ATXN1: variants seen among roughly 807,000 people sequenced by gnomAD.
The protein encoded by ATXN1 is ataxin 1.
Under a neutral mutation model 56.4 loss-of-function variants are expected in ATXN1, and 8 were observed. The ratio of observed to expected loss-of-function variants is 0.14; its 90% confidence interval spans 0.08 to 0.26. The LOEUF is 0.26. Ranked by LOEUF, ATXN1 falls within the 10% of genes least tolerant of loss-of-function variation. The pLI is 1.00. For synonymous variants in ATXN1, 514 were observed against 494.6 expected (o/e 1.04, Z -0.52); for missense variants, 987 against 1,106.5 (o/e 0.89, Z 1.53).
intron 1 of ATXN1, among the ~76,000 whole-genome samples, chr6:16,755,949 A>G (rs1760874674): frequency 6.6e-6 from 1 of 152,182 alleles, no homozygotes; most frequent in Non-Finnish European, 1.5e-5. Context: ...CATTTCTGCT[A>G]ACATGAAATA....
chr6:16,520,644 C>G (rs1215878549), intron 5 of ATXN1, among the ~76,000 whole-genome samples: 2 of 152,276 alleles, frequency 1.3e-5, no homozygotes, highest in East Asian at 3.9e-4. Flanking sequence ...TCTAAAGAGA[C>G]CTTTACAGTC....
intron 3 of ATXN1, among the ~76,000 whole-genome samples, chr6:16,594,760 C>A (rs549924656): frequency 1.3e-5 from 2 of 152,112 alleles, no homozygotes; most frequent in Admixed American, 6.5e-5. Flanking sequence ...GGATTACAGG[C>A]GTGAGCCACC....
intron 2 of ATXN1, among the ~76,000 whole-genome samples, chr6:16,689,004 G>A (rs189515353): frequency 2.0e-4 from 31 of 151,908 alleles, no homozygotes; most frequent in Admixed American, 6.6e-4. Flanking sequence ...ATGAATATGT[G>A]CGCATATGTG....
chr6:16,436,648 T>C (rs1004613989), intron 6 of ATXN1, among the ~76,000 whole-genome samples: 1 of 151,028 alleles, frequency 6.6e-6, no homozygotes, highest in Admixed American at 6.6e-5. Context: ...TCCTGTGTGG[T>C]GTGTTGGAGG....
intron 6 of ATXN1, among the ~76,000 whole-genome samples, chr6:16,404,726 C>A (rs1050928807): frequency 1.3e-5 from 2 of 151,722 alleles, no homozygotes; most frequent in African/African-American, 4.9e-5. Context: ...ACACACTCCA[C>A]GTTGTTAGTT....
chr6:16,691,611 T>G (rs11754887), intron 2 of ATXN1, among the ~76,000 whole-genome samples: 1 of 151,984 alleles, frequency 6.6e-6, no homozygotes, highest in African/African-American at 2.4e-5. Flanking sequence ...CAGGCTGAAG[T>G]ACAATGTCAA....
intron 6 of ATXN1, among the ~76,000 whole-genome samples, chr6:16,439,384 T>TA (rs1561896231): frequency 5.5e-4 from 1 of 1,834 alleles, no homozygotes; most frequent in Non-Finnish European, 9.2e-4. Context: ...GGGGCGGGAA[T>TA]AAGGGTTGGG....
chr6:16,652,375 C>T (rs992419453), intron 3 of ATXN1, among the ~76,000 whole-genome samples: 10 of 152,258 alleles, frequency 6.6e-5, no homozygotes, highest in South Asian at 2.1e-4. Flanking sequence ...GGATGCCTCA[C>T]GGTAAACGAT....
rs138249208 is a variant in ATXN1, at chr6:16,569,452, A to T, written c.-361+16328T>A. 2.4e-3 allele frequency among the ~76,000 whole-genome samples: 357 copies of T among 148,248 alleles called. 4 individuals are homozygous for T. Among genetic ancestry groups the T allele is most frequent in the African/African-American group, 8.1e-3 (332 of 40,866 alleles). On this transcript the variant is annotated intron_variant, in intron 4 of 7. Coordinates refer to ENST00000436367, the MANE Select transcript of ATXN1 (RefSeq NM_001128164.2). ...TAAGACAGGAGAATCGCTTGAACCC[A>T]GGAGGTGGAGGCTGTAGTGAGCCAA...
At chr6:16,508,752 C>T (rs543681221) in intron 5 of ATXN1, among the ~76,000 whole-genome samples, 33 of 152,266 alleles carry the variant, frequency 2.2e-4, no homozygotes, top group African/African-American at 7.5e-4. Flanking sequence ...GCCACGTGAT[C>T]CAGCAATTCC....
At chr6:16,402,249 T>G (rs796274387) in intron 6 of ATXN1, among the ~76,000 whole-genome samples, 178 of 8,444 alleles carry the variant, frequency 0.021, 5 homozygotes, top group African/African-American at 0.058. Context: ...ACAGTTTTTT[T>G]TTTTTTTTTT....
intron 6 of ATXN1, among the ~76,000 whole-genome samples, chr6:16,418,698 T>G (rs1362350864): frequency 9.1e-6 from 1 of 109,940 alleles, no homozygotes; most frequent in African/African-American, 3.5e-5. Context: ...CCTAATGCTG[T>G]CCCTCCCCCC....
chr6:16,515,208 C>G (rs933819624), intron 5 of ATXN1, among the ~76,000 whole-genome samples: 1 of 152,106 alleles, frequency 6.6e-6, no homozygotes, highest in Non-Finnish European at 1.5e-5. Context: ...TATCTCCTTA[C>G]GCCTGCAACT....
At chr6:16,732,983 C>T (rs1019441752) in intron 2 of ATXN1, among the ~76,000 whole-genome samples, 2 of 152,160 alleles carry the variant, frequency 1.3e-5, no homozygotes, top group African/African-American at 4.8e-5. Flanking sequence ...GCAACCAAAA[C>T]CAAAAGCCTC....
At chr6:16,671,604 A>G (rs907901451) in intron 2 of ATXN1, among the ~76,000 whole-genome samples, 2 of 152,326 alleles carry the variant, frequency 1.3e-5, no homozygotes, top group East Asian at 3.9e-4. Context: ...CCTGGTTACA[A>G]ATGATTAAAA....
intron 6 of ATXN1, among the ~76,000 whole-genome samples, chr6:16,412,592 C>A (rs1024056115): frequency 6.6e-6 from 1 of 152,162 alleles, no homozygotes; most frequent in African/African-American, 2.4e-5. Flanking sequence ...CTTCAATGGA[C>A]AATAGAAGAA....
At position 16,327,354 on chromosome 6, in the gene ATXN1, C is replaced by T. The variant is rs767333937; in HGVS notation, c.957G>A (p.Gln319=). 3 of 1,613,534 alleles carry T rather than the reference C, an allele frequency of 1.9e-6. No individual in the cohort carries two copies. The highest frequency in any genetic ancestry group is 1.1e-5 in the South Asian group (1 of 91,086). ...AESSRLQQAI[Q]AKEVLNGEME... is the part of the protein sequence containing the mutation. Reference sequence around the variant, plus strand: ...TCTCACCGTTCAGGACCTCCTTGGCCTGGATGGCCTGCTGCAGCCGGCTGC... The same window carrying T: ...TCTCACCGTTCAGGACCTCCTTGGCTTGGATGGCCTGCTGCAGCCGGCTGC... The change falls in exon 7 of 8, where the codon CAG becomes CAA. Residue 319 remains glutamine (Q), a synonymous_variant. Transcript: ENST00000436367.
At chr6:16,531,879 T>C (rs1463368604) in intron 4 of ATXN1, among the ~76,000 whole-genome samples, 2 of 152,234 alleles carry the variant, frequency 1.3e-5, no homozygotes, top group African/African-American at 4.8e-5. Flanking sequence ...AGTGAATAGC[T>C]TGCAGTCAAC....
At chr6:16,427,338 G>C (rs1054328575) in intron 6 of ATXN1, among the ~76,000 whole-genome samples, 5 of 152,188 alleles carry the variant, frequency 3.3e-5, no homozygotes, top group Admixed American at 2.0e-4. Flanking sequence ...GTCGTGACAA[G>C]CAAAAATGAC....
Sources: allele counts gnomAD v4.1 joint callset (sites outside exome capture counted in the v4.1 genomes callset), GRCh38; gene constraint gnomAD v4.1.1; transcripts MANE v1.5; gene names NCBI Gene and HGNC (gene_info 2026-07-23, HGNC 2026-07-21).